The following HNF4A variants were observed in gnomAD, a reference collection of about 807,000 sequenced individuals.
The protein encoded by HNF4A is hepatocyte nuclear factor 4-alpha.
Under a neutral mutation model 52.4 loss-of-function variants are expected in HNF4A, and 15 were observed. The ratio of observed to expected loss-of-function variants is 0.29; its 90% CI spans 0.19 to 0.44. The LOEUF is 0.44. Among genes scored for constraint, HNF4A ranks in the 20% least tolerant of loss-of-function variants. HNF4A has a pLI of 1.00. For missense variants in HNF4A, 479 were observed against 647.2 expected (o/e 0.74, Z 2.82); for synonymous variants, 280 against 264.4 (o/e 1.06, Z -0.57).
chr20:44,422,941 A>G (rs959729293), intron 7 of HNF4A, among the ~76,000 whole-genome samples: 2 of 152,072 alleles, frequency 1.3e-5, no homozygotes, highest in Non-Finnish European at 2.9e-5. Context: ...GGCCTCTGAC[A>G]GTGCTGGGCT....
intron 1 of HNF4A, among the ~76,000 whole-genome samples, chr20:44,362,673 T>C (rs1403127669): frequency 1.3e-5 from 2 of 152,144 alleles, no homozygotes; most frequent in Non-Finnish European, 2.9e-5. Context: ...AAATTGAGAT[T>C]CAGAGTTGTT....
chr20:44,363,632 T>C (rs2062940446), intron 1 of HNF4A, among the ~76,000 whole-genome samples: 1 of 151,564 alleles, frequency 6.6e-6, no homozygotes, highest in African/African-American at 2.4e-5. Context: ...ACCTGGGAGA[T>C]GGCTCTGGCC....
upstream of HNF4A, chr20:44,401,192 C>T (rs973924996): frequency 5.4e-6 from 8 of 1,480,328 alleles, no homozygotes; most frequent in Admixed American, 8.5e-5. Context: ...CACCCCTCCC[C>T]GGCAGAGCCT....
At chr20:44,394,696 T>C (rs969838372) in intron 1 of HNF4A, among the ~76,000 whole-genome samples, 1 of 152,180 alleles carries the variant, frequency 6.6e-6, no homozygotes, top group African/African-American at 2.4e-5. Context: ...GAGCAAAGCC[T>C]CTTCTTTGGA....
chr20:44,414,319 G>A (rs903470990), intron 4 of HNF4A, among the ~76,000 whole-genome samples, 188 bp from the exon 5 acceptor site: 2 of 152,178 alleles, frequency 1.3e-5, no homozygotes, highest in Non-Finnish European at 2.9e-5. Context: ...CACAGAGGGA[G>A]CCCTTCTCCC....
At chr20:44,409,830 T>G (rs953099816) in intron 3 of HNF4A, among the ~76,000 whole-genome samples, 5 of 105,926 alleles carry the variant, frequency 4.7e-5, no homozygotes, top group African/African-American at 2.0e-4. Context: ...GTTTGTTCCC[T>G]GGTCCCTTCT....
At chr20:44,404,650 ATGTGGACTGTGTGCATG>A (rs1328249948) in intron 1 of HNF4A, among the ~76,000 whole-genome samples, 8 of 148,452 alleles carry the variant, frequency 5.4e-5, no homozygotes, top group Non-Finnish European at 1.0e-4. Context: ...TGTGCAATGT[ATGTGGACTGTGTGCATG>A]TGTGGACTGT....
intron 3 of HNF4A, among the ~76,000 whole-genome samples, chr20:44,411,566 C>T (rs73277612): frequency 3.4e-4 from 52 of 152,240 alleles, no homozygotes; most frequent in African/African-American, 1.2e-3. Flanking sequence ...TCAGGGAAGC[C>T]GTGCTCTGAG....
chr20:44,416,501 A>G (rs2063667142), intron 5 of HNF4A, among the ~76,000 whole-genome samples: 1 of 152,280 alleles, frequency 6.6e-6, no homozygotes, highest in African/African-American at 2.4e-5. Flanking sequence ...AGACTTGCAC[A>G]GTGCCCAGTG....
chr20:44,405,044 T>TTGTGTGTGGACTGTGTGGTGCGTG (rs2063478244), intron 1 of HNF4A, among the ~76,000 whole-genome samples: 1 of 47,050 alleles, frequency 2.1e-5, no homozygotes, highest in Non-Finnish European at 4.5e-5. Flanking sequence ...GTGTGTGTGC[T>TTGTGTGTGGACTGTGTGGTGCGTG]TGTGTGTGGA....
chr20:44,381,868 C>A (rs748706606), intron 1 of HNF4A, among the ~76,000 whole-genome samples: 6 of 152,208 alleles, frequency 3.9e-5, no homozygotes, highest in Non-Finnish European at 7.3e-5. Context: ...ACCTCAGCCT[C>A]CCAAAGTGCT....
upstream of HNF4A, among the ~76,000 whole-genome samples, chr20:44,397,707 C>T: frequency 6.6e-6 from 1 of 152,096 alleles, no homozygotes; most frequent in Non-Finnish European, 1.5e-5. Flanking sequence ...GCAGCTTCCA[C>T]CTCCCAGGTT....
At chr20:44,388,855 G>A (rs1181226033) in intron 1 of HNF4A, among the ~76,000 whole-genome samples, 1 of 152,216 alleles carries the variant, frequency 6.6e-6, no homozygotes, top group African/African-American at 2.4e-5. Flanking sequence ...TCCCAGCTGC[G>A]GCCCGGGTGG....
At chr20:44,392,970 A>T (rs997342639) in intron 1 of HNF4A, among the ~76,000 whole-genome samples, 2 of 152,258 alleles carry the variant, frequency 1.3e-5, no homozygotes, top group African/African-American at 4.8e-5. Context: ...CAACCTGCAC[A>T]ACTGTACAGG....
intron 1 of HNF4A, among the ~76,000 whole-genome samples, chr20:44,360,762 G>T (rs916280417): frequency 6.6e-6 from 1 of 152,194 alleles, no homozygotes; most frequent in Non-Finnish European, 1.5e-5. Flanking sequence ...TTGACCAATA[G>T]CATCAGCTTG....
intron 5 of HNF4A, 141 bp downstream of exon 5, chr20:44,414,803 A>G (rs2063639900): frequency 1.3e-6 from 1 of 787,414 alleles, no homozygotes; most frequent in African/African-American, 1.7e-5. Flanking sequence ...ACGTGTCTGA[A>G]ACTTTAAATC....
At chr20:44,369,205 C>T (rs2063004407) in intron 1 of HNF4A, among the ~76,000 whole-genome samples, 1 of 139,220 alleles carries the variant, frequency 7.2e-6, no homozygotes, top group South Asian at 2.3e-4. Flanking sequence ...GCTGAGATCA[C>T]GCCATTGCAT....
intron 1 of HNF4A, chr20:44,372,733 G>A (rs1390171755): frequency 6.6e-6 from 1 of 152,128 alleles, no homozygotes; most frequent in Non-Finnish European, 1.5e-5. Context: ...GAGTTTGGGG[G>A]AAGAACACAG....
Position 44,426,663 on chromosome 20 carries a change from C to T in HNF4A, c.1130-1672C>T, listed in dbSNP as rs551112807. On this transcript the variant is annotated intron_variant, in intron 8 of 9. Coordinates refer to ENST00000316099, the MANE Select transcript of HNF4A (RefSeq NM_000457.6). ...ACTAAAAATACAAAAAAAAATTAGC[C>T]AGACATGGTGGCATGCACCTGTAAT... Among the ~76,000 whole-genome samples the T allele has an allele frequency of 1.0e-3, 159 of 152,004 alleles. 1 individual carries two copies. Among genetic ancestry groups the T allele is most frequent in the Non-Finnish European group, 1.8e-3 (125 of 67,996 alleles).
Sources: allele counts gnomAD v4.1 joint callset (sites outside exome capture counted in the v4.1 genomes callset), GRCh38; gene constraint gnomAD v4.1.1; transcripts MANE v1.5; gene names NCBI Gene and HGNC (gene_info 2026-07-23, HGNC 2026-07-21).